SEMA3C: variants seen among roughly 807,000 people sequenced by gnomAD.
SEMA3C encodes the protein semaphorin 3C.
Under a neutral mutation model 89.4 loss-of-function variants are expected in SEMA3C, and 47 were observed. The ratio of observed to expected loss-of-function variants is 0.53; its 90% CI spans 0.42 to 0.67. SEMA3C has a LOEUF of 0.67. SEMA3C is among the 30% of genes least tolerant of loss of function. SEMA3C has a pLI of 0.00. For synonymous variants in SEMA3C, 310 were observed against 320.2 expected (o/e 0.97, Z 0.34); for missense variants, 839 against 929.1 (o/e 0.90, Z 1.26).
intron 11 of SEMA3C, 48 bp downstream of exon 11, chr7:80,798,044 T>C (rs1789108840): frequency 4.5e-6 from 7 of 1,551,324 alleles, no homozygotes; most frequent in East Asian, 4.7e-5. Context: ...ACCTGTTAAA[T>C]GAGTTTTTAT....
Position 80,845,186 on chromosome 7 carries a change from C to T in SEMA3C, c.104-16441G>A, listed in dbSNP as rs149361922. ...TTCCCAGAACCCTACTGTTCCCTCA[C>T]GCAGACTGAAAACTATTGTGAGGCT... On this transcript the variant is annotated intron_variant, in intron 2 of 17. Transcript: ENST00000265361. 2.4e-3 allele frequency among the ~76,000 whole-genome samples: 358 copies of T among 152,164 alleles called. 1 individual carries two copies. The highest frequency in any genetic ancestry group is 8.3e-3 in the African/African-American group (344 of 41,506).
intron 12 of SEMA3C, among the ~76,000 whole-genome samples, chr7:80,786,020 G>A (rs867600249): frequency 1.7e-4 from 26 of 152,272 alleles, no homozygotes; most frequent in Admixed American, 1.2e-3. Context: ...GTGGCTAAGC[G>A]CGCTACCATC....
intron 12 of SEMA3C, among the ~76,000 whole-genome samples, chr7:80,784,827 C>T (rs547598807): frequency 2.2e-4 from 34 of 152,052 alleles, no homozygotes; most frequent in Non-Finnish European, 4.7e-4. Context: ...CTGCTTTTTA[C>T]TTTTTCAACC....
At chr7:80,876,240 C>T (rs1791200650) in intron 2 of SEMA3C, among the ~76,000 whole-genome samples, 1 of 152,114 alleles carries the variant, frequency 6.6e-6, no homozygotes. Flanking sequence ...TCTGGTTTAG[C>T]ATCAAGCTCC....
chr7:80,798,250 C>A lies in SEMA3C; in HGVS notation c.987-14G>T. The A allele has an allele frequency of 7.1e-7, 1 of 1,405,320 alleles. No individual in the cohort carries two copies. Among genetic ancestry groups the A allele is most frequent in the South Asian group, 1.8e-5 (1 of 55,908 alleles). 87.1% of individuals were successfully genotyped at this position (1,405,320 alleles called of 1,614,324 possible). A position where few individuals can be genotyped will look rare whatever the true frequency, so the allele number is the denominator to read the frequency against. On this transcript the variant is annotated splice_polypyrimidine_tract_variant and intron_variant, in intron 10 of 17. Transcript: ENST00000265361. ...TTGAAAACTGAGCTAAAAAAGAAAACAGAAAAAGGCATTTTCAAATTTTTA... is the reference window on the plus strand; with the variant it reads ...TTGAAAACTGAGCTAAAAAAGAAAAAAGAAAAAGGCATTTTCAAATTTTTA...
chr7:80,896,547 C>T (rs376179057), intron 2 of SEMA3C, among the ~76,000 whole-genome samples: 42 of 152,222 alleles, frequency 2.8e-4, no homozygotes, highest in African/African-American at 7.0e-4. Context: ...TATGAGATAA[C>T]GTAGAAAGGG....
At chr7:80,907,097 A>C (rs1336332909) in intron 2 of SEMA3C, among the ~76,000 whole-genome samples, 1 of 152,150 alleles carries the variant, frequency 6.6e-6, no homozygotes, top group African/African-American at 2.4e-5. Flanking sequence ...TTTTTACACA[A>C]AAGTTTTAAA....
rs933951151 is a variant in SEMA3C, at chr7:80,879,274, T to A, written c.103+37405A>T. Among the ~76,000 whole-genome samples the A allele has an allele frequency of 3.9e-5, 6 of 152,174 alleles. No individual in the cohort carries two copies. The East Asian group carries it at 7.7e-4, about 20-fold the overall frequency. ...CATTAATGGAAAATGGAAATGGGCA[T>A]CTGAGCAGGACTTCCTGGAGGTAGA... is the stretch of plus-strand genomic sequence containing the variant. On this transcript the variant is annotated intron_variant, in intron 2 of 17. Coordinates refer to ENST00000265361, the MANE Select transcript of SEMA3C (RefSeq NM_006379.5).
chr7:80,823,455 T>C (rs963032858), intron 4 of SEMA3C, among the ~76,000 whole-genome samples: 5 of 152,136 alleles, frequency 3.3e-5, no homozygotes, highest in African/African-American at 1.2e-4. Context: ...AATATAAAAA[T>C]AGATGTTTAA....
chr7:80,844,613 G>A (rs949964978), intron 2 of SEMA3C, among the ~76,000 whole-genome samples: 3 of 152,050 alleles, frequency 2.0e-5, no homozygotes, highest in Non-Finnish European at 1.5e-5. Flanking sequence ...ACATTGCTCA[G>A]AAAATATTGA....
intron 6 of SEMA3C, among the ~76,000 whole-genome samples, chr7:80,806,598 A>G (rs770664004): frequency 6.6e-6 from 1 of 152,208 alleles, no homozygotes; most frequent in Non-Finnish European, 1.5e-5. Context: ...TATACATAAC[A>G]TTCAACATTT....
intron 5 of SEMA3C, 31 bp downstream of exon 5, chr7:80,818,268 A>C: frequency 6.5e-7 from 1 of 1,543,196 alleles, no homozygotes; most frequent in Non-Finnish European, 8.8e-7. Flanking sequence ...CACTAATATC[A>C]AAACTAAGAA....
chr7:80,791,283 AGT>A (rs1250608719), intron 11 of SEMA3C, among the ~76,000 whole-genome samples: 3 of 152,166 alleles, frequency 2.0e-5, no homozygotes, highest in Non-Finnish European at 4.4e-5. Context: ...ATTGGATCTG[AGT>A]GTTAAGTTAT....
rs141230127 is a variant in SEMA3C, at chr7:80,748,378, C to T, written c.1842+520G>A. Among the ~76,000 whole-genome samples, 862 of 152,198 alleles carry T rather than the reference C, an allele frequency of 5.7e-3. 6 individuals carry two copies. The highest frequency in any genetic ancestry group is 0.02 in the Middle Eastern group (6 of 294). ...TCCACATCACTAAATACAGACAATG[C>T]TCCCATAAACAATGATTCCATATAT... On this transcript the variant is annotated intron_variant, in intron 17 of 17. Transcript: ENST00000265361.
chr7:80,803,108 G>A (rs1245628256), intron 8 of SEMA3C, among the ~76,000 whole-genome samples: 2 of 152,016 alleles, frequency 1.3e-5, no homozygotes, highest in Admixed American at 6.6e-5. Context: ...GCCTTTCCTT[G>A]ATAATTTATT....
intron 2 of SEMA3C, among the ~76,000 whole-genome samples, chr7:80,897,890 A>T (rs1791778122): frequency 6.6e-6 from 1 of 152,202 alleles, no homozygotes. Flanking sequence ...TACATAATAA[A>T]GCTATTTTTC....
At chr7:80,848,513 T>C (rs571488893) in intron 2 of SEMA3C, among the ~76,000 whole-genome samples, 1 of 152,212 alleles carries the variant, frequency 6.6e-6, no homozygotes, top group Non-Finnish European at 1.5e-5. Context: ...GGTCACGTCA[T>C]GGTGCCCCAT....
At chr7:80,768,251 C>T (rs1583859442) in intron 12 of SEMA3C, among the ~76,000 whole-genome samples, 1 of 152,310 alleles carries the variant, frequency 6.6e-6, no homozygotes. Context: ...TGGTGGCTCA[C>T]GCCTGTAATC....
intron 2 of SEMA3C, among the ~76,000 whole-genome samples, chr7:80,840,876 A>C (rs902387273): frequency 2.0e-5 from 3 of 152,212 alleles, no homozygotes; most frequent in Admixed American, 2.0e-4. Flanking sequence ...AGGGCTTTAC[A>C]TCATGGCTGT....
Sources: allele counts gnomAD v4.1 joint callset (sites outside exome capture counted in the v4.1 genomes callset), GRCh38; gene constraint gnomAD v4.1.1; transcripts MANE v1.5; gene names NCBI Gene and HGNC (gene_info 2026-07-23, HGNC 2026-07-21).